The following PPP2R2D variants were observed in gnomAD, a reference collection of about 807,000 sequenced individuals.
The protein encoded by PPP2R2D is protein phosphatase 2 regulatory subunit Bdelta.
PPP2R2D carries 9 observed loss-of-function variants against 31.1 expected under a neutral mutation model. The ratio of observed to expected loss-of-function variants is 0.29; its 90% CI spans 0.17 to 0.51. The LOEUF (loss-of-function observed/expected upper bound fraction) is 0.51, where lower values mean the gene tolerates loss of function less well. PPP2R2D is among the 20% of genes least tolerant of loss of function. PPP2R2D has a pLI of 0.98. For missense variants in PPP2R2D, 391 were observed against 465.6 expected (o/e 0.84, Z 1.48); for synonymous variants, 179 against 172.6 (o/e 1.04, Z -0.29).
At chr10:131,903,931 C>T (rs1484688615) in intron 2 of PPP2R2D, among the ~76,000 whole-genome samples, 1 of 152,010 alleles carries the variant, frequency 6.6e-6, no homozygotes, top group Non-Finnish European at 1.5e-5. Context: ...TGGCTGGGTA[C>T]GGTGACTCAC....
At chr10:131,916,011 G>A (rs1050140487) in intron 2 of PPP2R2D, among the ~76,000 whole-genome samples, 4 of 152,178 alleles carry the variant, frequency 2.6e-5, no homozygotes, top group African/African-American at 7.2e-5. Context: ...GATTATGAAG[G>A]TATCAGCATA....
At chr10:131,921,785 G>A (rs1478905138) in intron 2 of PPP2R2D, among the ~76,000 whole-genome samples, 2 of 152,148 alleles carry the variant, frequency 1.3e-5, no homozygotes, top group Non-Finnish European at 2.9e-5. Context: ...CTGGCCTGTC[G>A]TTGGTGGTTA....
intron 3 of PPP2R2D, among the ~76,000 whole-genome samples, chr10:131,935,807 T>C (rs2036329243): frequency 6.6e-6 from 1 of 152,140 alleles, no homozygotes. Context: ...CTCACGCCTG[T>C]AATCCCAGCA....
chr10:131,956,119 GGT>G lies in PPP2R2D; in HGVS notation c.*160_*161del. The G allele has an allele frequency of 7.9e-7, 1 of 1,260,038 alleles. No individual in the cohort carries two copies. Among genetic ancestry groups the G allele is most frequent in the Non-Finnish European group, 1.0e-6 (1 of 1,004,550 alleles). 78.1% of individuals were successfully genotyped at this position (1,260,038 alleles called of 1,614,324 possible). ...AGAAAGCCGCCTCCGCTGGAGGCCC[GGT>G]GTGGTTCCGCCTCGGCGAGGCGCGA... On this transcript the variant is annotated 3_prime_UTR_variant, in exon 9 of 9. Coordinates refer to ENST00000455566, the MANE Select transcript of PPP2R2D (RefSeq NM_018461.5).
chr10:131,926,795 G>A (rs1010584019), intron 2 of PPP2R2D, among the ~76,000 whole-genome samples: 14 of 152,256 alleles, frequency 9.2e-5, no homozygotes, highest in Admixed American at 5.2e-4. Flanking sequence ...GCCAGGTGCC[G>A]CAGAGCAGGA....
chr10:131,970,947 T>C, the PPP2R2D span: 8 of 1,614,126 alleles, frequency 5.0e-6, no homozygotes, highest in Non-Finnish European at 6.8e-6. The surrounding 1 kb of genome is among the most constrained non-coding windows in gnomAD (Gnocchi z 4.1). Flanking sequence ...CTTCTTTCCT[T>C]CTTTCAATAT....
At chr10:131,908,207 A>G (rs1354207262) in intron 2 of PPP2R2D, among the ~76,000 whole-genome samples, 1 of 152,092 alleles carries the variant, frequency 6.6e-6, no homozygotes, top group African/African-American at 2.4e-5. Context: ...GATCCCTTCC[A>G]CTGGGCCTGG....
At chr10:131,928,797 A>G (rs2036153641) in intron 2 of PPP2R2D, among the ~76,000 whole-genome samples, 3 of 152,196 alleles carry the variant, frequency 2.0e-5, no homozygotes, top group African/African-American at 7.2e-5. Flanking sequence ...AAGTCTCAGG[A>G]TATGAGCCAT....
At chr10:131,968,077 G>A in the PPP2R2D span, 2 of 155,780 alleles carry the variant, frequency 1.3e-5, no homozygotes, top group Admixed American at 1.3e-4. Flanking sequence ...CTACAATAGT[G>A]TGATATATAA....
In PPP2R2D at chr10:131,945,138, G is replaced by A. The variant is rs957781180; in HGVS notation, c.656-157G>A. 5.9e-5 allele frequency among the ~76,000 whole-genome samples: 9 copies of A among 152,264 alleles called. No individual in the cohort carries two copies. Among genetic ancestry groups the A allele is most frequent in the Non-Finnish European group, 8.8e-5 (6 of 68,028 alleles). On this transcript the variant is annotated intron_variant, in intron 6 of 8. Transcript: ENST00000455566. This position sits in a 1 kb window ranked among gnomAD's most constrained non-coding sequence, Gnocchi z 4.8. ...GCTCATCCCAATCCCCTTACCAGGC[G>A]CTCCTTTGGAATTCGGGATGTGTAA... is the stretch of plus-strand genomic sequence containing the variant.
At chr10:131,949,247 T>G (rs1322428172) in intron 8 of PPP2R2D, among the ~76,000 whole-genome samples, 2 of 152,182 alleles carry the variant, frequency 1.3e-5, no homozygotes, top group African/African-American at 4.8e-5. Context: ...CCGTGGCTGA[T>G]GCACACTGAG....
chr10:131,922,190 A>C (rs1216742402), intron 2 of PPP2R2D, among the ~76,000 whole-genome samples: 1 of 152,232 alleles, frequency 6.6e-6, no homozygotes, highest in Admixed American at 6.5e-5. Flanking sequence ...AGTAAAACAC[A>C]ATAAAAGATT....
Position 131,945,543 on chromosome 10 carries a change from T to C in PPP2R2D, c.820+84T>C, listed in dbSNP as rs1429636770. The C allele has an allele frequency of 8.2e-6, 12 of 1,472,236 alleles. No individual in the cohort carries two copies. Among genetic ancestry groups the C allele is most frequent in the Non-Finnish European group, 9.1e-6 (10 of 1,097,248 alleles). The allele number at this position is 1,472,236 out of a possible 1,614,324, so 91.2% of individuals were successfully genotyped here. A position where few individuals can be genotyped will look rare whatever the true frequency, so the allele number is the denominator to read the frequency against. The stretch of plus-strand genomic sequence containing the variant: ...GACACAGTCTCGGCTCACGGCAAGC[T>C]CCGCCTCCCGGGTTCCAGCAAGTCT... On this transcript the variant is annotated intron_variant, in intron 7 of 8. Coordinates refer to ENST00000455566, the MANE Select transcript of PPP2R2D (RefSeq NM_018461.5). The surrounding 1 kb of genome is among the most constrained non-coding windows in gnomAD (Gnocchi z 4.8).
intron 2 of PPP2R2D, among the ~76,000 whole-genome samples, chr10:131,917,961 C>T (rs1554893494): frequency 1.4e-4 from 18 of 126,328 alleles, no homozygotes; most frequent in East Asian, 7.7e-4. Context: ...TTTGTAGGGA[C>T]CTCACACGGG....
At chr10:131,929,399 G>A (rs750879692) in intron 2 of PPP2R2D, among the ~76,000 whole-genome samples, 2 of 152,200 alleles carry the variant, frequency 1.3e-5, no homozygotes, top group Admixed American at 6.5e-5. Context: ...GGCCACCCAC[G>A]CAGTGCTTGG....
chr10:131,910,973 C>T (rs1470942895), intron 2 of PPP2R2D, among the ~76,000 whole-genome samples: 1 of 152,186 alleles, frequency 6.6e-6, no homozygotes, highest in African/African-American at 2.4e-5. Flanking sequence ...TGTGTCTCAG[C>T]CCCCGTCCCT....
the PPP2R2D span, chr10:131,967,425 C>T: frequency 6.6e-6 from 1 of 152,230 alleles, no homozygotes; most frequent in African/African-American, 2.4e-5. Flanking sequence ...TAAAGGAATT[C>T]TGATGTCATG....
chr10:131,927,507 G>A (rs782229221), intron 2 of PPP2R2D, among the ~76,000 whole-genome samples: 7 of 152,122 alleles, frequency 4.6e-5, no homozygotes, highest in Admixed American at 1.3e-4. Flanking sequence ...TGAAGTCAGC[G>A]GGATGATGTT....
chr10:131,902,390 T>C (rs1339444831), intron 2 of PPP2R2D, among the ~76,000 whole-genome samples: 1 of 152,110 alleles, frequency 6.6e-6, no homozygotes, highest in Non-Finnish European at 1.5e-5. Context: ...TTACTCCCTC[T>C]TCCCTACCCT....
Sources: gnomAD v4.1 joint callset for allele counts (sites outside exome capture counted in the v4.1 genomes callset) on GRCh38, gnomAD v4.1.1 for gene constraint, Gnocchi (gnomAD v3.1) non-coding constraint, MANE v1.5 for transcripts, NCBI Gene and HGNC (gene_info 2026-07-23, HGNC 2026-07-21) for gene names.